KDM8: variants seen among roughly 807,000 people sequenced by gnomAD.
KDM8 encodes the protein bifunctional peptidase and arginyl-hydroxylase JMJD5.
KDM8 carries 35 observed loss-of-function variants against 46.9 expected under a neutral mutation model. The observed-to-expected ratio is 0.75, with a 90% CI of 0.57 to 0.99. The LOEUF is 0.99. Among genes scored for constraint, KDM8 ranks in the 50% least tolerant of loss-of-function variants. KDM8 has a pLI of 0.00. For synonymous variants in KDM8, 232 were observed against 227.7 expected (o/e 1.02, Z -0.17); for missense variants, 475 against 537.0 (o/e 0.88, Z 1.14).
chr16:27,204,394 A>T, intron 1 of KDM8: 1 of 1,234,248 alleles, frequency 8.1e-7, no homozygotes, highest in Non-Finnish European at 1.0e-6. Context: ...TAGAGAGCCA[A>T]AGGGATCCCT....
intron 1 of KDM8, 72 bp downstream of exon 1, chr16:27,203,708 T>G (rs374105708): frequency 4.8e-6 from 1 of 208,692 alleles, no homozygotes; most frequent in African/African-American, 2.3e-5. Context: ...TTCAGAGGCA[T>G]AGACCGCGCA....
rs763703054 is a variant in KDM8 at position 27,213,662 on chromosome 16, C to T, written c.576C>T (p.Leu192=). The part of the protein sequence containing the change: ...KTVPRLHRPS[L]QHFREQFLVP... Reference sequence around the variant, plus strand: ...TCCCCCGGCTGCACCGTCCGTCCCTCCAGCATTTCAGGGAGCAGTTTTTGG... The same window carrying T: ...TCCCCCGGCTGCACCGTCCGTCCCTTCAGCATTTCAGGGAGCAGTTTTTGG... The change falls in exon 3 of 8, where the codon CTC becomes CTT. Residue 192 remains leucine (L), a synonymous_variant. Transcript: ENST00000286096. The T allele has an allele frequency of 1.9e-6, 3 of 1,614,206 alleles. No individual in the cohort carries two copies. The highest frequency in any genetic ancestry group is 1.1e-5 in the South Asian group (1 of 91,086).
chr16:27,212,098 G>C (rs973728353), intron 2 of KDM8, among the ~76,000 whole-genome samples: 6 of 152,142 alleles, frequency 3.9e-5, no homozygotes, highest in African/African-American at 1.4e-4. Context: ...ATTACGTAAG[G>C]AATGGTACAA....
chr16:27,210,050 G>GTC (rs778833004), intron 1 of KDM8, 43 bp from the exon 2 acceptor site: 28 of 1,540,586 alleles, frequency 1.8e-5, no homozygotes, highest in Non-Finnish European at 2.4e-5. Flanking sequence ...AGGGGATCAG[G>GTC]TCTGTCCTGG....
intron 2 of KDM8, among the ~76,000 whole-genome samples, chr16:27,210,856 G>C (rs1324791949): frequency 1.1e-4 from 17 of 151,976 alleles, no homozygotes; most frequent in Non-Finnish European, 4.4e-5. Flanking sequence ...TCCACTTCCT[G>C]GACTCAAGCA....
intron 1 of KDM8, among the ~76,000 whole-genome samples, chr16:27,205,681 T>C (rs1320198130): frequency 6.6e-6 from 1 of 151,930 alleles, no homozygotes; most frequent in African/African-American, 2.4e-5. Context: ...CTACTAAAAA[T>C]AGAAAAACTA....
rs539718257 is a variant in KDM8 at position 27,220,225 on chromosome 16, AAAT to A, written c.994-165_994-163del. The A allele has an allele frequency of 1.2e-4, 82 of 673,938 alleles. No homozygotes were observed. In the African/African-American group the frequency reaches 1.4e-3, roughly 11 times the overall value. The allele number at this position is 673,938 out of a possible 1,614,324, so 41.7% of individuals were successfully genotyped here. A position where few individuals can be genotyped will look rare whatever the true frequency, so the allele number is the denominator to read the frequency against. ...GACCGAGTGAGACCCTGTCTCTAAAAAATAAAAAAGAAAGAAAAACATACACGT... is the reference window on the plus strand; with the variant it reads ...GACCGAGTGAGACCCTGTCTCTAAAAAAAAAAGAAAGAAAAACATACACGT... On this transcript the variant is annotated intron_variant, in intron 6 of 7. Transcript: ENST00000286096.
At chr16:27,208,314 C>T (rs922209968) in intron 1 of KDM8, among the ~76,000 whole-genome samples, 4 of 151,330 alleles carry the variant, frequency 2.6e-5, no homozygotes, top group Non-Finnish European at 4.4e-5. Flanking sequence ...GCTACAAAGC[C>T]GCACACGTGA....
intron 6 of KDM8, among the ~76,000 whole-genome samples, chr16:27,219,369 G>A (rs1005021255): frequency 1.3e-5 from 2 of 152,220 alleles, no homozygotes; most frequent in African/African-American, 2.4e-5. Flanking sequence ...GAGAGGGAGC[G>A]AGTGCTGGTG....
intron 1 of KDM8, chr16:27,204,143 G>A: frequency 3.3e-6 from 5 of 1,530,238 alleles, no homozygotes; most frequent in East Asian, 5.2e-5. Context: ...AGGGAAGGGG[G>A]TCTGAGGCCT....
intron 1 of KDM8, chr16:27,203,873 T>A: frequency 2.2e-6 from 1 of 449,046 alleles, no homozygotes. Flanking sequence ...CGCGTGCGTA[T>A]GCTCGTCTCT....
chr16:27,214,760 C>T (rs1340371463), intron 3 of KDM8, 116 bp from the exon 4 acceptor site: 9 of 1,177,550 alleles, frequency 7.6e-6, no homozygotes, highest in Non-Finnish European at 1.1e-5. Flanking sequence ...GATGACAGTC[C>T]TTGTCTCTGC....
chr16:27,217,099 A>C (rs2083564027), intron 5 of KDM8, among the ~76,000 whole-genome samples: 1 of 152,178 alleles, frequency 6.6e-6, no homozygotes, highest in South Asian at 2.1e-4. Flanking sequence ...AGTGTCTACC[A>C]TGCTGTGGAG....
At chr16:27,204,883 G>C (rs1047704467) in intron 1 of KDM8, among the ~76,000 whole-genome samples, 3 of 152,170 alleles carry the variant, frequency 2.0e-5, no homozygotes, top group African/African-American at 7.2e-5. Flanking sequence ...AAAATTAGCT[G>C]AGTGTGGTGG....
chr16:27,211,244 GC>G (rs1567263232), intron 2 of KDM8: 2 of 444,942 alleles, frequency 4.5e-6, no homozygotes, highest in Non-Finnish European at 9.0e-6. Flanking sequence ...GCCAGCGGCA[GC>G]CCGTTTCTTT....
intron 1 of KDM8, chr16:27,203,850 G>C (rs1177200263): frequency 1.6e-5 from 7 of 436,432 alleles, no homozygotes; most frequent in Non-Finnish European, 2.5e-5. Flanking sequence ...GGAGGATAAA[G>C]GGAAAGGTTC....
chr16:27,203,987 C>A, intron 1 of KDM8: 1 of 891,348 alleles, frequency 1.1e-6, no homozygotes, highest in Non-Finnish European at 1.7e-6. Context: ...TGCGCCTGCG[C>A]GGGTTTTATA....
intron 2 of KDM8, among the ~76,000 whole-genome samples, chr16:27,212,378 T>G (rs2083494438): frequency 6.6e-6 from 1 of 152,178 alleles, no homozygotes; most frequent in Admixed American, 6.5e-5. Context: ...CTCTTTTGTT[T>G]CATTTTTTTT....
intron 6 of KDM8, 90 bp downstream of exon 6, chr16:27,219,200 C>T (rs989838544): frequency 7.5e-7 from 1 of 1,337,656 alleles, no homozygotes; most frequent in Non-Finnish European, 1.0e-6. Context: ...ACACCGGGCT[C>T]TTAAAAAGAA....
Sources: gnomAD v4.1 joint callset for allele counts (sites outside exome capture counted in the v4.1 genomes callset) on GRCh38, gnomAD v4.1.1 for gene constraint, MANE v1.5 for transcripts, NCBI Gene and HGNC (gene_info 2026-07-23, HGNC 2026-07-21) for gene names.